Variants in DNAI3 observed in about 807,000 individuals in gnomAD.
The protein encoded by DNAI3 is dynein axonemal intermediate chain 3, also known as WD repeat domain 63.
DNAI3 carries 83 observed loss-of-function variants against 115.5 expected under a neutral mutation model. That is an observed-to-expected ratio of 0.72 (90% CI 0.60 to 0.86). DNAI3 has a LOEUF of 0.86. Ranked by LOEUF, DNAI3 falls within the 40% of genes least tolerant of loss-of-function variation. The pLI is 0.00. For missense variants in DNAI3, 1,004 were observed against 1,075.8 expected, an observed-to-expected ratio of 0.93 and a Z score of 0.93; for synonymous variants, 320 against 347.0, an observed-to-expected ratio of 0.92 and a Z score of 0.86.
intron 3 of DNAI3, among the ~76,000 whole-genome samples, chr1:85,079,197 C>T (rs183985598): frequency 1.7e-3 from 256 of 152,284 alleles, no homozygotes; most frequent in African/African-American, 5.7e-3. Flanking sequence ...GTACTTGATT[C>T]GAATCAAGTC....
chr1:85,114,252 A>C (rs1424710188), intron 16 of DNAI3, among the ~76,000 whole-genome samples: 2 of 152,142 alleles, frequency 1.3e-5, no homozygotes, highest in Non-Finnish European at 2.9e-5. Context: ...ACCTCAGGTA[A>C]TCCACCTGCC....
chr1:85,124,315 A>G, intron 19 of DNAI3, 64 bp downstream of exon 19: 1 of 1,611,288 alleles, frequency 6.2e-7, no homozygotes, highest in Non-Finnish European at 8.5e-7. Flanking sequence ...AGACAAGAGG[A>G]ACTGTTATGT....
intron 22 of DNAI3, 49 bp from the exon 23 acceptor site, chr1:85,132,806 T>C: frequency 1.3e-6 from 2 of 1,597,260 alleles, no homozygotes; most frequent in Non-Finnish European, 1.7e-6. Flanking sequence ...TTTGGTATTT[T>C]TAGATATCAG....
At chr1:85,132,726 T>A in intron 22 of DNAI3, 129 bp from the exon 23 acceptor site, 17 of 1,060,598 alleles carry the variant, frequency 1.6e-5, no homozygotes, top group Non-Finnish European at 2.1e-5. Context: ...CCTGCCTTCC[T>A]GCCCTCCATC....
Position 85,085,978 on chromosome 1 carries a change from G to C in DNAI3, c.688G>C (p.Val230Leu). Reference protein sequence around the residue: ...NFTLKQLEKDVGMQVIPQIKD... With the variant: ...NFTLKQLEKDLGMQVIPQIKD... ...TACCCTTAAACAACTTGAAAAAGAT[G>C]TTGGCATGCAAGTAATCCCCCAAAT... Residue 230 changes from valine to leucine, a missense_variant, in exon 7 of 23, where the codon GTT (valine) becomes CTT (leucine). Physicochemically the swap from Val to Leu is conservative, Grantham distance 32. Transcript: ENST00000294664. 6.2e-7 allele frequency: 1 copy of C among 1,614,116 alleles called. No individual in the cohort carries two copies. Among genetic ancestry groups the C allele is most frequent in the South Asian group, 1.1e-5 (1 of 91,078 alleles).
intron 18 of DNAI3, 42 bp from the exon 19 acceptor site, chr1:85,124,077 AAC>A: frequency 1.2e-6 from 2 of 1,611,734 alleles, no homozygotes; most frequent in Non-Finnish European, 1.7e-6. Context: ...CAGGAATGCA[AAC>A]AGTGTTATTA....
At chr1:85,079,321 A>G (rs1654555106) in intron 3 of DNAI3, among the ~76,000 whole-genome samples, 2 of 152,264 alleles carry the variant, frequency 1.3e-5, no homozygotes, top group African/African-American at 4.8e-5. Flanking sequence ...TCCCAATGTT[A>G]TGCCAACTGA....
intron 16 of DNAI3, among the ~76,000 whole-genome samples, chr1:85,110,690 C>T (rs1407557441): frequency 1.3e-5 from 2 of 151,932 alleles, no homozygotes; most frequent in African/African-American, 2.4e-5. Context: ...TTATTGAGCA[C>T]ATTTATGTGT....
intron 8 of DNAI3, 29 bp from the exon 9 acceptor site, chr1:85,093,429 T>C (rs1310412255): frequency 6.5e-7 from 1 of 1,546,210 alleles, no homozygotes; most frequent in Non-Finnish European, 8.7e-7. Flanking sequence ...ACCAATATCT[T>C]AATTGCTTTT....
At chr1:85,115,194 A>G (rs1466220089) in intron 16 of DNAI3, among the ~76,000 whole-genome samples, 2 of 152,236 alleles carry the variant, frequency 1.3e-5, no homozygotes, top group Non-Finnish European at 2.9e-5. Context: ...AGAGTGAGGA[A>G]GATGAGGGGA....
chr1:85,128,545 T>G lies in DNAI3; in HGVS notation c.2318-163T>G, dbSNP rs139638192. Among the ~76,000 whole-genome samples, 632 of 152,322 alleles carry G rather than the reference T, an allele frequency of 4.1e-3. 5 individuals are homozygous for G. Among genetic ancestry groups the G allele is most frequent in the Admixed American group, 7.3e-3 (111 of 15,300 alleles). On this transcript the variant is annotated intron_variant, in intron 20 of 22. Transcript: ENST00000294664. ...AGCTGGAAAAAATGACTTGTACATG[T>G]TTACATGGTCCAGCCATGAACATCT...
At chr1:85,082,501 A>T in intron 5 of DNAI3, 97 bp downstream of exon 5, 2 of 926,508 alleles carry the variant, frequency 2.2e-6, no homozygotes, top group Non-Finnish European at 3.4e-6. Context: ...GCTAGAGTGC[A>T]GTGGCACAAT....
intron 7 of DNAI3, among the ~76,000 whole-genome samples, chr1:85,087,381 A>G (rs1654828960): frequency 7.2e-6 from 1 of 137,966 alleles, no homozygotes; most frequent in Non-Finnish European, 1.5e-5. Flanking sequence ...GGTTGCAGTG[A>G]GCCAAGATAG....
chr1:85,092,839 C>T (rs1655019996), intron 8 of DNAI3, among the ~76,000 whole-genome samples: 1 of 123,440 alleles, frequency 8.1e-6, no homozygotes, highest in Admixed American at 7.9e-5. Flanking sequence ...ACACACACTT[C>T]TAAACTCCAA....
chr1:85,069,114 T>G (rs1654187564), intron 1 of DNAI3, among the ~76,000 whole-genome samples: 1 of 152,232 alleles, frequency 6.6e-6, no homozygotes, highest in East Asian at 1.9e-4. Context: ...TATATCCCTG[T>G]CACCTTTCTG....
At chr1:85,105,338 T>C (rs1358121325) in intron 14 of DNAI3, among the ~76,000 whole-genome samples, 2 of 152,004 alleles carry the variant, frequency 1.3e-5, no homozygotes, top group African/African-American at 4.8e-5. Flanking sequence ...GTGGCTAACT[T>C]AAGGGAAAGA....
At chr1:85,119,280 C>T (rs1282208313) in intron 17 of DNAI3, among the ~76,000 whole-genome samples, 1 of 152,168 alleles carries the variant, frequency 6.6e-6, no homozygotes, top group African/African-American at 2.4e-5. Flanking sequence ...CATCCATGTC[C>T]AGAACTTTTC....
Position 85,094,447 on chromosome 1 carries a change from G to T in DNAI3, c.1065G>T (p.Ser355=). The T allele has an allele frequency of 6.2e-7, 1 of 1,614,074 alleles. No homozygotes were observed. Among genetic ancestry groups the T allele is most frequent in the Non-Finnish European group, 8.5e-7 (1 of 1,179,990 alleles). The stretch of plus-strand genomic sequence containing the variant: ...TTCCATCAGGGCTAATAGCTGTGTC[G>T]GTAGCCGTGCGACTTTCTTTTGAAG... ...HPTIYGLIAV[S]VAVRLSFEDR... The change falls in exon 10 of 23, where the codon TCG becomes TCT. Residue 355 remains serine, a synonymous_variant. Coordinates refer to ENST00000294664, the MANE Select transcript of DNAI3 (RefSeq NM_145172.5).
intron 16 of DNAI3, 122 bp from the exon 17 acceptor site, chr1:85,117,607 A>G: frequency 3.8e-6 from 5 of 1,331,080 alleles, no homozygotes; most frequent in Non-Finnish European, 4.2e-6. Flanking sequence ...ACTTATGCTC[A>G]CTACATTGGG....
Sources: allele counts gnomAD v4.1 joint callset (sites outside exome capture counted in the v4.1 genomes callset), GRCh38; gene constraint gnomAD v4.1.1; transcripts MANE v1.5; gene names NCBI Gene and HGNC (gene_info 2026-07-23, HGNC 2026-07-21).